Variants in LRRC4C observed in about 807,000 individuals in gnomAD.
LRRC4C encodes the protein leucine rich repeat containing 4C.
A neutral mutation model predicts 33.6 loss-of-function variants in LRRC4C; 5 were observed. The observed-to-expected ratio is 0.15, with a 90% confidence interval of 0.08 to 0.31. The LOEUF is 0.31. Among genes scored for constraint, LRRC4C ranks in the 10% least tolerant of loss-of-function variants. The probability of loss-of-function intolerance (pLI) is 1.00; values close to 1 mark genes in which losing one functional copy is unlikely to be tolerated. For synonymous variants in LRRC4C, 329 were observed against 302.0 expected (o/e 1.09, Z -0.93); for missense variants, 560 against 796.7 (o/e 0.70, Z 3.58).
intron 1 of LRRC4C, among the ~76,000 whole-genome samples, chr11:41,130,371 CTATTT>C (rs2135830606): frequency 6.6e-6 from 1 of 151,970 alleles, no homozygotes; most frequent in South Asian, 2.1e-4. Flanking sequence ...TTCTTCTAGT[CTATTT>C]TAATTCATCT....
intron 1 of LRRC4C, among the ~76,000 whole-genome samples, chr11:41,315,917 G>A (rs1950772913): frequency 6.6e-6 from 1 of 152,112 alleles, no homozygotes; most frequent in South Asian, 2.1e-4. Flanking sequence ...TTATCACTAA[G>A]ATGCAACATT....
intron 2 of LRRC4C, among the ~76,000 whole-genome samples, chr11:40,773,551 CA>C (rs1331707587): frequency 6.6e-6 from 1 of 151,484 alleles, no homozygotes; most frequent in Non-Finnish European, 1.5e-5. Context: ...TCAAAATATC[CA>C]AATTGAAAGA....
chr11:41,057,741 G>A (rs910958353), intron 1 of LRRC4C, among the ~76,000 whole-genome samples: 5 of 152,180 alleles, frequency 3.3e-5, no homozygotes, highest in Admixed American at 2.0e-4. Context: ...TGCCTGCAGA[G>A]AGAAGCCATT....
At chr11:41,085,928 C>CAAAAAAAAAAAAAAAAAA (rs10717008) in intron 1 of LRRC4C, among the ~76,000 whole-genome samples, 20 of 80,176 alleles carry the variant, frequency 2.5e-4, no homozygotes, top group South Asian at 1.2e-3. Context: ...TTTAAGACAC[C>CAAAAAAAAAAAAAAAAAA]AAAAAAAAAA....
chr11:40,491,798 A>G (rs1328932976), intron 3 of LRRC4C, among the ~76,000 whole-genome samples: 1 of 152,106 alleles, frequency 6.6e-6, no homozygotes, highest in Non-Finnish European at 1.5e-5. Context: ...TATATAGTAT[A>G]TCCTCTCATG....
chr11:40,368,962 A>G (rs1948332539), intron 3 of LRRC4C, among the ~76,000 whole-genome samples: 1 of 152,132 alleles, frequency 6.6e-6, no homozygotes. Flanking sequence ...TTGTAAATTA[A>G]GTATCTACAC....
intron 1 of LRRC4C, among the ~76,000 whole-genome samples, chr11:41,034,606 C>CATAT (rs758115530): frequency 0.017 from 1,852 of 108,370 alleles, 27 homozygotes; most frequent in South Asian, 0.02. Context: ...AATATGGTGA[C>CATAT]GTATATATAT....
At chr11:40,713,847 G>A (rs1161041510) in intron 2 of LRRC4C, among the ~76,000 whole-genome samples, 1 of 152,190 alleles carries the variant, frequency 6.6e-6, no homozygotes, top group African/African-American at 2.4e-5. Context: ...CTCCAAGATT[G>A]CTCTCAGTGA....
intron 2 of LRRC4C, among the ~76,000 whole-genome samples, chr11:40,720,109 A>C (rs1946938381): frequency 6.6e-6 from 1 of 152,002 alleles, no homozygotes; most frequent in South Asian, 2.1e-4. Flanking sequence ...CCCAGGACTC[A>C]TGTTTCTTTT....
chr11:40,245,832 G>A (rs1298524240), intron 4 of LRRC4C, among the ~76,000 whole-genome samples: 1 of 151,638 alleles, frequency 6.6e-6, no homozygotes, highest in Non-Finnish European at 1.5e-5. Context: ...GTTCAATAAA[G>A]GCATACTATT....
At chr11:40,723,242 G>A (rs1947118077) in intron 2 of LRRC4C, among the ~76,000 whole-genome samples, 1 of 151,702 alleles carries the variant, frequency 6.6e-6, no homozygotes. Flanking sequence ...AGGGGAATAT[G>A]AAGAATTCAA....
At chr11:41,250,844 A>G (rs1427241084) in intron 1 of LRRC4C, among the ~76,000 whole-genome samples, 2 of 152,230 alleles carry the variant, frequency 1.3e-5, no homozygotes, top group South Asian at 2.1e-4. Context: ...TAGAGGCAGA[A>G]GAAGCTTAAG....
At chr11:40,768,873 T>C (rs1278356151) in intron 2 of LRRC4C, among the ~76,000 whole-genome samples, 1 of 152,084 alleles carries the variant, frequency 6.6e-6, no homozygotes, top group Non-Finnish European at 1.5e-5. Flanking sequence ...CCACAGCTAG[T>C]ATCATACTGA....
At chr11:40,228,319 G>T (rs1209446526) in intron 5 of LRRC4C, among the ~76,000 whole-genome samples, 1 of 152,126 alleles carries the variant, frequency 6.6e-6, no homozygotes. Flanking sequence ...CCTCACATTT[G>T]CCATTGTTTC....
chr11:40,318,927 C>T (rs1945709460), intron 4 of LRRC4C, among the ~76,000 whole-genome samples: 1 of 152,108 alleles, frequency 6.6e-6, no homozygotes, highest in African/African-American at 2.4e-5. Flanking sequence ...AAAAATTTTG[C>T]CTAGAATATT....
intron 5 of LRRC4C, among the ~76,000 whole-genome samples, chr11:40,211,961 A>G (rs1863634444): frequency 2.0e-5 from 3 of 152,286 alleles, no homozygotes; most frequent in South Asian, 2.1e-4. Context: ...TGTAGCTATC[A>G]TACCCTCTCT....
At chr11:40,840,979 T>C (rs1229863895) in intron 2 of LRRC4C, among the ~76,000 whole-genome samples, 1 of 152,164 alleles carries the variant, frequency 6.6e-6, no homozygotes, top group Non-Finnish European at 1.5e-5. Flanking sequence ...TTTCCCACTT[T>C]TACAGGAAGA....
intron 1 of LRRC4C, among the ~76,000 whole-genome samples, chr11:41,040,064 G>A (rs1857336480): frequency 1.3e-5 from 2 of 150,430 alleles, no homozygotes; most frequent in Admixed American, 1.3e-4. Flanking sequence ...CGTGAACCCA[G>A]GAGGCAGAGC....
intron 5 of LRRC4C, among the ~76,000 whole-genome samples, chr11:40,179,005 T>C (rs902490133): frequency 1.4e-4 from 11 of 76,566 alleles, no homozygotes; most frequent in Admixed American, 4.9e-4. Flanking sequence ...TTCTTAACTT[T>C]CTTTCTTTTT....
Sources: allele counts gnomAD v4.1 joint callset (sites outside exome capture counted in the v4.1 genomes callset), GRCh38; gene constraint gnomAD v4.1.1; transcripts MANE v1.5; gene names NCBI Gene and HGNC (gene_info 2026-07-23, HGNC 2026-07-21).